Variants in EXOC6B observed in about 807,000 individuals in gnomAD.
EXOC6B encodes exocyst complex component 6B.
In EXOC6B, 54 loss-of-function variants were observed where a neutral mutation model predicts 113.5. The ratio of observed to expected loss-of-function variants is 0.48; its 90% CI spans 0.38 to 0.60. The LOEUF (loss-of-function observed/expected upper bound fraction) is 0.60, where lower values mean the gene tolerates loss of function less well. Ranked by LOEUF, EXOC6B falls within the 20% of genes least tolerant of loss-of-function variation. The probability of loss-of-function intolerance (pLI) is 0.00; values close to 1 mark genes in which losing one functional copy is unlikely to be tolerated. For synonymous variants in EXOC6B, 357 were observed against 339.0 expected (o/e 1.05, Z -0.58); for missense variants, 797 against 977.5 (o/e 0.82, Z 2.46).
intron 17 of EXOC6B, among the ~76,000 whole-genome samples, chr2:72,472,625 C>T (rs1401691308): frequency 1.3e-5 from 2 of 152,006 alleles, no homozygotes; most frequent in African/African-American, 4.8e-5. Context: ...TGGTTGTTAT[C>T]AATTTTACCT....
At chr2:72,788,874 G>A (rs1236301619) in intron 1 of EXOC6B, among the ~76,000 whole-genome samples, 1 of 152,200 alleles carries the variant, frequency 6.6e-6, no homozygotes, top group Non-Finnish European at 1.5e-5. Flanking sequence ...ACCACTGGCA[G>A]AACCTGAGCA....
intron 18 of EXOC6B, among the ~76,000 whole-genome samples, chr2:72,386,011 T>G (rs1692002686): frequency 6.6e-6 from 1 of 152,112 alleles, no homozygotes. Flanking sequence ...TACTAATGAA[T>G]ATATACCCAA....
intron 6 of EXOC6B, among the ~76,000 whole-genome samples, chr2:72,658,645 C>T (rs1674784609): frequency 6.6e-6 from 1 of 151,908 alleles, no homozygotes; most frequent in African/African-American, 2.4e-5. Context: ...TTCTAATTGA[C>T]AAGAAACTGA....
intron 18 of EXOC6B, among the ~76,000 whole-genome samples, chr2:72,392,077 T>A (rs920850050): frequency 3.8e-4 from 58 of 152,194 alleles, no homozygotes; most frequent in Admixed American, 2.0e-4. Flanking sequence ...AAATCTTGAT[T>A]TATAATTTAA....
chr2:72,560,129 G>A (rs1488771713), intron 7 of EXOC6B, among the ~76,000 whole-genome samples: 2 of 152,074 alleles, frequency 1.3e-5, no homozygotes, highest in East Asian at 3.9e-4. Context: ...TGTGAATAGT[G>A]TATGTTAATT....
At chr2:72,814,431 A>T (rs1233984049) in intron 1 of EXOC6B, among the ~76,000 whole-genome samples, 1 of 152,228 alleles carries the variant, frequency 6.6e-6, no homozygotes, top group African/African-American at 2.4e-5. Context: ...TGCAAGTTCA[A>T]AGTGCATGTC....
chr2:72,795,884 T>C (rs1338458350), intron 1 of EXOC6B, among the ~76,000 whole-genome samples: 1 of 151,988 alleles, frequency 6.6e-6, no homozygotes, highest in Non-Finnish European at 1.5e-5. Context: ...TGGACTGCAG[T>C]GGCACAATCT....
At chr2:72,739,450 A>AG (rs1285534557) in intron 2 of EXOC6B, among the ~76,000 whole-genome samples, 2 of 152,108 alleles carry the variant, frequency 1.3e-5, no homozygotes, top group Non-Finnish European at 2.9e-5. Context: ...AAGGATATCA[A>AG]CAATTTGCCA....
chr2:72,437,050 T>C (rs1487742896), intron 18 of EXOC6B, among the ~76,000 whole-genome samples: 1 of 152,234 alleles, frequency 6.6e-6, no homozygotes, highest in Non-Finnish European at 1.5e-5. Context: ...ATCTATCTTT[T>C]ATCTTTGATG....
chr2:72,707,654 C>T (rs1236568993), intron 6 of EXOC6B, among the ~76,000 whole-genome samples: 1 of 152,064 alleles, frequency 6.6e-6, no homozygotes, highest in Non-Finnish European at 1.5e-5. Context: ...CCTCGTGATC[C>T]ACCTGCCTCA....
intron 8 of EXOC6B, among the ~76,000 whole-genome samples, chr2:72,542,725 A>G (rs1051309066): frequency 6.6e-6 from 1 of 152,186 alleles, no homozygotes; most frequent in African/African-American, 2.4e-5. Flanking sequence ...ATGATCTTTC[A>G]CTGTTTAGAT....
chr2:72,807,488 T>A (rs1462969753), intron 1 of EXOC6B, among the ~76,000 whole-genome samples: 3 of 152,210 alleles, frequency 2.0e-5, no homozygotes, highest in African/African-American at 7.2e-5. Flanking sequence ...TGCTTAGGTA[T>A]GCTTTTGCTA....
chr2:72,753,380 C>G lies in EXOC6B; in HGVS notation c.114-11911G>C, dbSNP rs113615313. Among the ~76,000 whole-genome samples the G allele has an allele frequency of 6.4e-4, 98 of 152,180 alleles. 1 individual carries two copies. Among genetic ancestry groups the G allele is most frequent in the African/African-American group, 2.1e-3 (89 of 41,536 alleles). ...AATATGTACATTAACCTTGACACCT[C>G]ACTTCACCTCACACCTCCTCATAAC... On this transcript the variant is annotated intron_variant, in intron 1 of 21. Coordinates refer to ENST00000272427, the MANE Select transcript of EXOC6B (RefSeq NM_015189.3).
At chr2:72,752,391 TTC>T (rs1682106144) in intron 1 of EXOC6B, among the ~76,000 whole-genome samples, 1 of 152,098 alleles carries the variant, frequency 6.6e-6, no homozygotes. Context: ...CATCAATACT[TTC>T]TTTGGTGGGG....
chr2:72,244,276 G>C (rs1339675691), intron 20 of EXOC6B, among the ~76,000 whole-genome samples: 1 of 152,094 alleles, frequency 6.6e-6, no homozygotes. Flanking sequence ...AAAATACCTG[G>C]AGATTAAACA....
intron 18 of EXOC6B, chr2:72,461,656 G>C (rs1697687067): frequency 6.6e-6 from 1 of 151,926 alleles, no homozygotes; most frequent in Non-Finnish European, 1.5e-5. Context: ...AGTTACATCT[G>C]AATATTATAA....
At chr2:72,664,509 G>A (rs1030895877) in intron 6 of EXOC6B, among the ~76,000 whole-genome samples, 2 of 152,170 alleles carry the variant, frequency 1.3e-5, no homozygotes, top group African/African-American at 4.8e-5. Flanking sequence ...ATTAACAGGG[G>A]GATCTCCCTG....
intron 20 of EXOC6B, among the ~76,000 whole-genome samples, chr2:72,185,920 G>A (rs901904135): frequency 6.7e-6 from 1 of 150,084 alleles, no homozygotes; most frequent in Non-Finnish European, 1.5e-5. Flanking sequence ...AGGCCCCGGT[G>A]TGTGATGTTC....
chr2:72,519,611 A>G (rs1490037431), intron 8 of EXOC6B, among the ~76,000 whole-genome samples: 4 of 152,202 alleles, frequency 2.6e-5, no homozygotes, highest in African/African-American at 9.6e-5. Context: ...GCTCACAGGA[A>G]ACTAAACCTG....
Sources: allele counts gnomAD v4.1 joint callset (sites outside exome capture counted in the v4.1 genomes callset), GRCh38; gene constraint gnomAD v4.1.1; transcripts MANE v1.5; gene names NCBI Gene and HGNC (gene_info 2026-07-23, HGNC 2026-07-21).